CNTNAP2: variants seen among roughly 807,000 people sequenced by gnomAD.
CNTNAP2 encodes the protein contactin-associated protein-like 2.
CNTNAP2 carries 98 observed loss-of-function variants against 155.2 expected under a neutral mutation model. That is an observed-to-expected ratio of 0.63 (90% CI 0.54 to 0.75). The LOEUF is 0.75. Among genes scored for constraint, CNTNAP2 ranks in the 30% least tolerant of loss-of-function variants. The pLI, the probability that CNTNAP2 is intolerant of heterozygous loss-of-function variation, is 0.00. For synonymous variants in CNTNAP2, 651 were observed against 631.2 expected, an observed-to-expected ratio of 1.03 and a Z score of -0.47; for missense variants, 1,727 against 1,688.1, an observed-to-expected ratio of 1.02 and a Z score of -0.40.
intron 21 of CNTNAP2, among the ~76,000 whole-genome samples, chr7:148,326,563 A>C (rs1797891095): frequency 6.6e-6 from 1 of 152,124 alleles, no homozygotes; most frequent in African/African-American, 2.4e-5. Context: ...CTCTTCAGGA[A>C]AGAAAATAAA....
Position 147,120,976 on chromosome 7 carries a change from C to T in CNTNAP2, c.755-3C>T, listed in dbSNP as rs780336361. The T allele has an allele frequency of 6.8e-6, 11 of 1,613,200 alleles. No individual in the cohort carries two copies. In the East Asian group the frequency reaches 2.0e-4, roughly 29 times the overall value. ...TGTTTCTTTTTCACTTCTGTGTACG[C>T]AGGAAGCAACCAGCTTGGCCCCATA... On this transcript the variant is annotated splice_polypyrimidine_tract_variant and splice_region_variant and intron_variant, in intron 5 of 23. Coordinates refer to ENST00000361727, the MANE Select transcript of CNTNAP2 (RefSeq NM_014141.6).
chr7:146,380,712 C>T (rs1795369166), intron 1 of CNTNAP2, among the ~76,000 whole-genome samples: 1 of 145,950 alleles, frequency 6.9e-6, no homozygotes, highest in Admixed American at 6.9e-5. Context: ...TCATTTCTTA[C>T]TGTATTTACA....
intron 11 of CNTNAP2, among the ~76,000 whole-genome samples, chr7:147,524,097 C>T (rs1282796596): frequency 6.6e-6 from 1 of 152,224 alleles, no homozygotes; most frequent in Non-Finnish European, 1.5e-5. Context: ...GACTCTCACA[C>T]AACTGCACAC....
intron 3 of CNTNAP2, among the ~76,000 whole-genome samples, chr7:146,976,957 G>C (rs1211899752): frequency 6.6e-6 from 1 of 152,072 alleles, no homozygotes; most frequent in Non-Finnish European, 1.5e-5. Context: ...GCCCCCTCCA[G>C]GACAGAAAGG....
intron 1 of CNTNAP2, among the ~76,000 whole-genome samples, chr7:146,556,447 C>G (rs979818988): frequency 3.3e-5 from 5 of 152,092 alleles, no homozygotes; most frequent in Admixed American, 6.6e-5. Flanking sequence ...TAACATAACG[C>G]ATGTAAATCA....
intron 1 of CNTNAP2, among the ~76,000 whole-genome samples, chr7:146,352,628 T>C (rs17170055): frequency 0.1 from 15,353 of 151,766 alleles, 1,347 homozygotes; most frequent in African/African-American, 0.24. Context: ...GTGTGTAAAA[T>C]CTATAACATT....
intron 13 of CNTNAP2, among the ~76,000 whole-genome samples, chr7:147,779,391 A>T (rs1240589133): frequency 2.0e-5 from 3 of 152,234 alleles, no homozygotes; most frequent in Non-Finnish European, 4.4e-5. Flanking sequence ...GGCAATTTTC[A>T]TGTTGGTCGT....
intron 1 of CNTNAP2, among the ~76,000 whole-genome samples, chr7:146,545,272 T>C (rs1053457736): frequency 6.6e-6 from 1 of 151,986 alleles, no homozygotes; most frequent in African/African-American, 2.4e-5. Flanking sequence ...GACAGAATTG[T>C]AATATCAGCT....
rs149516706 is a variant in CNTNAP2, at chr7:146,833,680, G to T, written c.209-6031G>T. 1.2e-3 allele frequency among the ~76,000 whole-genome samples: 178 copies of T among 152,238 alleles called. 2 individuals carry two copies. The highest frequency in any genetic ancestry group is 2.6e-3 in the African/African-American group (109 of 41,538). ...CTCTTTTCACAACCAGGTTAGCCGA[G>T]GGCCAGTCTCGGTTTGCAACCTTAA... On this transcript the variant is annotated intron_variant, in intron 2 of 23. Transcript: ENST00000361727.
chr7:148,155,069 G>C (rs1301918155), intron 17 of CNTNAP2, among the ~76,000 whole-genome samples: 1 of 152,154 alleles, frequency 6.6e-6, no homozygotes, highest in African/African-American at 2.4e-5. Flanking sequence ...GTGAACCCCA[G>C]GGCCAAGTGC....
At chr7:146,572,298 A>C (rs1359744399) in intron 1 of CNTNAP2, among the ~76,000 whole-genome samples, 2 of 149,418 alleles carry the variant, frequency 1.3e-5, no homozygotes, top group East Asian at 3.9e-4. Flanking sequence ...ATCCCTAAAA[A>C]CATCCAAGGA....
rs577105439 is a variant in CNTNAP2, at chr7:146,137,131, G to C, written c.97+20158G>C. On this transcript the variant is annotated intron_variant, in intron 1 of 23. Coordinates refer to ENST00000361727, the MANE Select transcript of CNTNAP2 (RefSeq NM_014141.6). The stretch of plus-strand genomic sequence containing the variant: ...AACTTTTCTTGGGGTATCCTTTATA[G>C]AGTAGCCTTTGTCAAGTCTCATAAA... Among the ~76,000 whole-genome samples, 9 of 152,260 alleles carry C rather than the reference G, an allele frequency of 5.9e-5. No individual in the cohort carries two copies. In the South Asian group the frequency reaches 1.9e-3, roughly 32 times the overall value.
At chr7:147,867,695 AT>A (rs1407517106) in intron 13 of CNTNAP2, among the ~76,000 whole-genome samples, 1 of 152,054 alleles carries the variant, frequency 6.6e-6, no homozygotes, top group East Asian at 1.9e-4. Flanking sequence ...TATTTCATTA[AT>A]TTGATCTTCA....
intron 13 of CNTNAP2, among the ~76,000 whole-genome samples, chr7:147,729,977 A>C (rs1333758857): frequency 6.6e-6 from 1 of 152,114 alleles, no homozygotes; most frequent in East Asian, 1.9e-4. Context: ...TGAATTAAAA[A>C]ATAAGGGAGT....
At chr7:146,118,189 T>G (rs764594883) in intron 1 of CNTNAP2, among the ~76,000 whole-genome samples, 1 of 152,162 alleles carries the variant, frequency 6.6e-6, no homozygotes, top group Non-Finnish European at 1.5e-5. Flanking sequence ...TATGAGCCAG[T>G]ATTACTGTTT....
intron 1 of CNTNAP2, among the ~76,000 whole-genome samples, chr7:146,434,895 C>A (rs1024184589): frequency 6.6e-6 from 1 of 152,122 alleles, no homozygotes; most frequent in Non-Finnish European, 1.5e-5. Context: ...GTGTGCCAGG[C>A]ACTCATTCAG....
At chr7:146,870,735 T>C (rs1447742045) in intron 3 of CNTNAP2, among the ~76,000 whole-genome samples, 3 of 152,166 alleles carry the variant, frequency 2.0e-5, no homozygotes, top group Admixed American at 6.5e-5. Context: ...ACCAGTATTT[T>C]TGAGGTTGTG....
intron 1 of CNTNAP2, among the ~76,000 whole-genome samples, chr7:146,133,014 T>A (rs1797740262): frequency 6.8e-6 from 1 of 146,980 alleles, no homozygotes; most frequent in African/African-American, 2.6e-5. Flanking sequence ...GTTGAACTAG[T>A]TTACAGTCCC....
At chr7:146,372,485 T>G (rs1028092945) in intron 1 of CNTNAP2, among the ~76,000 whole-genome samples, 1 of 152,060 alleles carries the variant, frequency 6.6e-6, no homozygotes, top group Non-Finnish European at 1.5e-5. Flanking sequence ...TTACCATTCC[T>G]CCATTTACAT....
Sources: allele counts gnomAD v4.1 joint callset (sites outside exome capture counted in the v4.1 genomes callset), GRCh38; gene constraint gnomAD v4.1.1; transcripts MANE v1.5; gene names NCBI Gene and HGNC (gene_info 2026-07-23, HGNC 2026-07-21).